Variants in CACNA1A observed in about 807,000 individuals in gnomAD.
CACNA1A encodes the protein calcium voltage-gated channel subunit alpha1 A, also known as voltage-dependent P/Q-type calcium channel subunit alpha-1A.
Under a neutral mutation model 262.4 loss-of-function variants are expected in CACNA1A, and 57 were observed. That is an observed-to-expected ratio of 0.22 (90% CI 0.18 to 0.27). The LOEUF is 0.27. CACNA1A is among the 10% of genes least tolerant of loss of function. The pLI is 1.00. For synonymous variants in CACNA1A, 1,431 were observed against 1,419.3 expected (o/e 1.01, Z -0.18); for missense variants, 2,526 against 3,562.8 (o/e 0.71, Z 7.41).
intron 44 of CACNA1A, among the ~76,000 whole-genome samples, chr19:13,209,722 C>T (rs907094144): frequency 1.3e-5 from 2 of 152,198 alleles, no homozygotes; most frequent in African/African-American, 4.8e-5. Context: ...ATTCCTCTGT[C>T]CCTCAGAGAC....
intron 3 of CACNA1A, among the ~76,000 whole-genome samples, chr19:13,377,848 G>C (rs1357087823): frequency 6.6e-6 from 1 of 151,374 alleles, no homozygotes; most frequent in Non-Finnish European, 1.5e-5. Flanking sequence ...AACATTTGTG[G>C]CTGTTCCAGT....
At chr19:13,491,800 T>G (rs1980918541) in intron 1 of CACNA1A, among the ~76,000 whole-genome samples, 2 of 152,158 alleles carry the variant, frequency 1.3e-5, no homozygotes, top group African/African-American at 4.8e-5. Context: ...TGCACCACTG[T>G]GCTCCAGCCT....
At chr19:13,366,930 C>T (rs1329338543) in intron 4 of CACNA1A, among the ~76,000 whole-genome samples, 1 of 152,130 alleles carries the variant, frequency 6.6e-6, no homozygotes, top group African/African-American at 2.4e-5. Context: ...TAAAGTCACT[C>T]TCATTTTACA....
At chr19:13,232,490 G>T (rs1398125172) in intron 34 of CACNA1A, among the ~76,000 whole-genome samples, 1 of 152,008 alleles carries the variant, frequency 6.6e-6, no homozygotes, top group South Asian at 2.1e-4. Context: ...CCAGCACTTT[G>T]GGAGGCTGAG....
intron 30 of CACNA1A, among the ~76,000 whole-genome samples, chr19:13,249,797 C>T (rs2056347737): frequency 7.7e-6 from 1 of 129,254 alleles, no homozygotes; most frequent in Non-Finnish European, 1.6e-5. Context: ...GGTGACAAAG[C>T]TTATATAGGA....
At chr19:13,302,091 A>G (rs1424416614) in intron 17 of CACNA1A, among the ~76,000 whole-genome samples, 3 of 152,204 alleles carry the variant, frequency 2.0e-5, no homozygotes, top group Non-Finnish European at 4.4e-5. Flanking sequence ...AGCAGTTAAG[A>G]GCACAAGCTG....
chr19:13,402,380 T>C (rs2144697009), intron 3 of CACNA1A, among the ~76,000 whole-genome samples: 1 of 152,064 alleles, frequency 6.6e-6, no homozygotes, highest in Admixed American at 6.5e-5. Flanking sequence ...CTTTAGAGAC[T>C]TGGGGGGAAG....
chr19:13,399,555 C>A (rs984093078), intron 3 of CACNA1A, among the ~76,000 whole-genome samples: 1 of 152,158 alleles, frequency 6.6e-6, no homozygotes, highest in African/African-American at 2.4e-5. Flanking sequence ...CAAGGCCTAA[C>A]GGTCAAATCC....
intron 19 of CACNA1A, among the ~76,000 whole-genome samples, chr19:13,289,163 A>G: frequency 7.6e-6 from 1 of 130,894 alleles, no homozygotes; most frequent in African/African-American, 2.9e-5. Flanking sequence ...TTTTTTTGAG[A>G]CAGGGTCTCA....
At chr19:13,346,356 C>T (rs2058763986) in intron 6 of CACNA1A, among the ~76,000 whole-genome samples, 1 of 151,916 alleles carries the variant, frequency 6.6e-6, no homozygotes, top group Non-Finnish European at 1.5e-5. Context: ...ACCTCGGCTG[C>T]TGTTCCCTGA....
At chr19:13,482,207 C>T (rs777446510) in intron 1 of CACNA1A, among the ~76,000 whole-genome samples, 5 of 152,114 alleles carry the variant, frequency 3.3e-5, no homozygotes, top group Non-Finnish European at 7.4e-5. Context: ...GTAAGGAGGC[C>T]GGGTGCGGTG....
intron 3 of CACNA1A, among the ~76,000 whole-genome samples, chr19:13,373,727 C>T (rs1050502187): frequency 6.6e-5 from 10 of 152,186 alleles, no homozygotes; most frequent in African/African-American, 1.4e-4. Flanking sequence ...AAAGCAAGTT[C>T]CCAACTTTTT....
chr19:13,238,909 C>T (rs2055972963), intron 31 of CACNA1A, among the ~76,000 whole-genome samples: 2 of 152,004 alleles, frequency 1.3e-5, no homozygotes, highest in African/African-American at 4.8e-5. Flanking sequence ...TTAAGCCAGA[C>T]CCGACTGCTC....
chr19:13,254,145 C>A (rs1227389728), intron 29 of CACNA1A, among the ~76,000 whole-genome samples: 1 of 152,206 alleles, frequency 6.6e-6, no homozygotes, highest in Non-Finnish European at 1.5e-5. Context: ...CTCTTATTAT[C>A]ATTCCCATTT....
At chr19:13,235,459 C>G (rs2055842913) in intron 32 of CACNA1A, among the ~76,000 whole-genome samples, 155 bp downstream of exon 32, 1 of 152,138 alleles carries the variant, frequency 6.6e-6, no homozygotes, top group Non-Finnish European at 1.5e-5. Context: ...TGAAGACACA[C>G]CAGGGACAGG....
intron 1 of CACNA1A, among the ~76,000 whole-genome samples, chr19:13,470,582 C>T (rs970006067): frequency 4.6e-5 from 7 of 152,174 alleles, no homozygotes; most frequent in South Asian, 4.1e-4. Context: ...GCATGCATTT[C>T]GATGTATTTT....
At chr19:13,417,882 T>G (rs1242161891) in intron 3 of CACNA1A, among the ~76,000 whole-genome samples, 1 of 103,148 alleles carries the variant, frequency 9.7e-6, no homozygotes, top group Non-Finnish European at 1.9e-5. Context: ...AGAGCAAGAC[T>G]CCATCTCAAA....
chr19:13,356,039 C>T (rs1325879320), intron 6 of CACNA1A, among the ~76,000 whole-genome samples: 3 of 152,020 alleles, frequency 2.0e-5, no homozygotes, highest in African/African-American at 4.8e-5. Flanking sequence ...AACCAAAGGA[C>T]GAGGGTGGGA....
chr19:13,297,909 C>G (rs542708435), intron 19 of CACNA1A, among the ~76,000 whole-genome samples: 1 of 151,972 alleles, frequency 6.6e-6, no homozygotes, highest in African/African-American at 2.4e-5. Flanking sequence ...TCACTGCAAC[C>G]TACCTCCACC....
Sources: gnomAD v4.1 joint callset for allele counts (sites outside exome capture counted in the v4.1 genomes callset) on GRCh38, gnomAD v4.1.1 for gene constraint, MANE v1.5 for transcripts, NCBI Gene and HGNC (gene_info 2026-07-23, HGNC 2026-07-21) for gene names.